MTG1: variants seen among roughly 807,000 people sequenced by gnomAD.
MTG1 encodes the protein mitochondrial ribosome-associated GTPase 1.
Under a neutral mutation model 39.5 loss-of-function variants are expected in MTG1, and 30 were observed. The observed-to-expected ratio is 0.76, with a 90% CI of 0.57 to 1.03. The LOEUF is 1.03. Among genes scored for constraint, MTG1 ranks in the 50% least tolerant of loss-of-function variants. The pLI, the probability that MTG1 is intolerant of heterozygous loss-of-function variation, is 0.00. For synonymous variants in MTG1, 217 were observed against 179.0 expected (o/e 1.21, Z -1.69); for missense variants, 513 against 447.4 (o/e 1.15, Z -1.32).
intron 9 of MTG1, among the ~76,000 whole-genome samples, chr10:133,410,909 A>T (rs1262122769): frequency 6.6e-6 from 1 of 151,594 alleles, no homozygotes; most frequent in Non-Finnish European, 1.5e-5. Context: ...ATTTCAATTT[A>T]TTTTTTTTTA....
Position 133,399,169 on chromosome 10 carries a change from G to A in MTG1, c.364-1G>A, listed in dbSNP as rs1289944240. 6 of 1,614,072 alleles carry A rather than the reference G, an allele frequency of 3.7e-6. No homozygotes were observed. The highest frequency in any genetic ancestry group is 5.1e-6 in the Non-Finnish European group (6 of 1,180,038). Reference sequence around the variant, plus strand: ...GCTCCATGAGTGGGTGTTTGTTGCAGATCATCCCGATGGTCACTGAACTGA... The same window carrying A: ...GCTCCATGAGTGGGTGTTTGTTGCAAATCATCCCGATGGTCACTGAACTGA... On this transcript the variant is annotated splice_acceptor_variant, in intron 4 of 10. Coordinates refer to ENST00000317502, the MANE Select transcript of MTG1 (RefSeq NM_138384.4). LOFTEE classifies it high-confidence loss of function.
intron 1 of MTG1, among the ~76,000 whole-genome samples, chr10:133,395,445 C>G (rs1239173149): frequency 6.6e-6 from 1 of 152,168 alleles, no homozygotes; most frequent in Non-Finnish European, 1.5e-5. Context: ...CCAGAGTCAG[C>G]CATGAGTCAG....
intron 9 of MTG1, among the ~76,000 whole-genome samples, chr10:133,414,762 G>A (rs576011183): frequency 2.0e-5 from 3 of 152,354 alleles, no homozygotes; most frequent in African/African-American, 7.2e-5. Context: ...CCCAGATGGG[G>A]TGGCGGCCGG....
chr10:133,396,985 C>G (rs1457732357), intron 3 of MTG1, among the ~76,000 whole-genome samples: 1 of 152,106 alleles, frequency 6.6e-6, no homozygotes, highest in African/African-American at 2.4e-5. Context: ...CTCCCTTTCC[C>G]CAGGGGAGTT....
At chr10:133,416,186 G>A (rs1296697176) in intron 9 of MTG1, among the ~76,000 whole-genome samples, 1 of 151,990 alleles carries the variant, frequency 6.6e-6, no homozygotes, top group Non-Finnish European at 1.5e-5. Flanking sequence ...ATCCCACTCA[G>A]TAGTTTTCAT....
At chr10:133,407,609 C>T (rs1849986480) in intron 9 of MTG1, among the ~76,000 whole-genome samples, 3 of 149,000 alleles carry the variant, frequency 2.0e-5, no homozygotes, top group Admixed American at 1.3e-4. Flanking sequence ...GGTCTTGTTG[C>T]CCAGTCTGGA....
chr10:133,401,552 G>A lies in MTG1; in HGVS notation c.535G>A (p.Glu179Lys), dbSNP rs760677326. The change falls in exon 7 of 11, where the codon GAG becomes AAG. Residue 179 changes from glutamate (E) to lysine (K), a missense_variant. Glu to Lys is a moderately conservative substitution (Grantham distance 56). Transcript: ENST00000317502. Reference sequence around the variant, plus strand: ...AGGGAAAGCCACCAGGGTGGGTGGCGAGCCTGGGATCACCAGAGCTGTGAT... The same window carrying A: ...AGGGAAAGCCACCAGGGTGGGTGGCAAGCCTGGGATCACCAGAGCTGTGAT... ...RKGKATRVGG[E>K]PGITRAVMSK... The A allele has an allele frequency of 3.1e-6, 5 of 1,590,976 alleles. No individual in the cohort carries two copies. Among genetic ancestry groups the A allele is most frequent in the East Asian group, 2.2e-5 (1 of 44,454 alleles).
In MTG1 at chr10:133,420,102, G is replaced by T. The variant is rs766800246; in HGVS notation, c.942G>T (p.Leu314=). The T allele has an allele frequency of 1.2e-5, 20 of 1,613,432 alleles. No individual in the cohort carries two copies. Among genetic ancestry groups the T allele is most frequent in the Non-Finnish European group, 1.7e-5 (20 of 1,179,840 alleles). The stretch of plus-strand genomic sequence containing the variant: ...TGCAGACTTTCCGCCGTGGGCTGCT[G>T]GGTTCCGTGATGCTGGACCTCGACG... ...DFLQTFRRGL[L]GSVMLDLDVL... is the part of the protein sequence containing the mutation. The change falls in exon 11 of 11, where the codon CTG becomes CTT. Residue 314 remains leucine, a synonymous_variant. Coordinates refer to ENST00000317502, the MANE Select transcript of MTG1 (RefSeq NM_138384.4).
At position 133,394,859 on chromosome 10, in the gene MTG1, GTGT is replaced by G. The variant is rs1208711718; in HGVS notation, c.112+531_112+533del. ...TCTGGGGCCAGCCCAGCCCGTCTAG[GTGT>G]TGTGATGGCCACTCCTGCGTCGGCT... On this transcript the variant is annotated intron_variant, in intron 1 of 10. Coordinates refer to ENST00000317502, the MANE Select transcript of MTG1 (RefSeq NM_138384.4). The G allele has an allele frequency of 1.5e-5, 8 of 533,006 alleles. 1 individual carries two copies. Among genetic ancestry groups the G allele is most frequent in the Non-Finnish European group, 1.9e-5 (8 of 416,530 alleles). The allele number at this position is 533,006 out of a possible 1,614,324, so 33.0% of individuals were successfully genotyped here. A position where few individuals can be genotyped will look rare whatever the true frequency, so the allele number is the denominator to read the frequency against.
At chr10:133,403,457 G>C (rs917890154) in intron 9 of MTG1, among the ~76,000 whole-genome samples, 1 of 152,208 alleles carries the variant, frequency 6.6e-6, no homozygotes, top group African/African-American at 2.4e-5. Flanking sequence ...GCCCCTCCCT[G>C]AGCCCAGGCA....
chr10:133,410,043 C>T (rs1850022838), intron 9 of MTG1, among the ~76,000 whole-genome samples: 1 of 151,842 alleles, frequency 6.6e-6, no homozygotes, highest in South Asian at 2.1e-4. Context: ...TTTAGCCACT[C>T]TGTGTTTTTT....
At chr10:133,401,719 G>C (rs1448720401) in intron 7 of MTG1, 129 bp downstream of exon 7, 13 of 881,022 alleles carry the variant, frequency 1.5e-5, no homozygotes, top group African/African-American at 3.3e-5. Flanking sequence ...TCCCCGCTGA[G>C]CACCCCCGGG....
intron 9 of MTG1, 114 bp from the exon 10 acceptor site, chr10:133,419,366 C>A (rs2133519629): frequency 3.9e-6 from 3 of 777,676 alleles, no homozygotes; most frequent in Admixed American, 2.4e-5. Context: ...CACTGTCACC[C>A]ACAGGAGGTG....
At chr10:133,399,307 G>A in intron 5 of MTG1, 81 bp downstream of exon 5, 1 of 1,520,468 alleles carries the variant, frequency 6.6e-7, no homozygotes, top group Non-Finnish European at 9.1e-7. Context: ...TCTCCAAGGA[G>A]AAGGCGCAGC....
intron 9 of MTG1, among the ~76,000 whole-genome samples, chr10:133,410,036 A>G (rs1482432999): frequency 6.6e-6 from 1 of 151,270 alleles, no homozygotes; most frequent in East Asian, 2.0e-4. Flanking sequence ...TTATCCATTT[A>G]GCCACTCTGT....
At chr10:133,411,036 T>G (rs1850038754) in intron 9 of MTG1, among the ~76,000 whole-genome samples, 1 of 152,258 alleles carries the variant, frequency 6.6e-6, no homozygotes, top group African/African-American at 2.4e-5. Context: ...ATTCTGAGTC[T>G]GTGTGTTTAC....
rs1276873727 is a variant in MTG1 at position 133,394,727 on chromosome 10, T to A, written c.112+395T>A. On this transcript the variant is annotated intron_variant, in intron 1 of 10. Transcript: ENST00000317502. ...GTCTTTTGGGGACTAAATGAAACAG[T>A]GGGTATGAAGGCACCTGTTCAGTTT... is the stretch of plus-strand genomic sequence containing the variant. The A allele has an allele frequency of 3.9e-6, 4 of 1,028,390 alleles. No individual in the cohort carries two copies. In the East Asian group the frequency reaches 3.6e-4, roughly 92 times the overall value. The allele number at this position is 1,028,390 out of a possible 1,614,324, so 63.7% of individuals were successfully genotyped here. A position where few individuals can be genotyped will look rare whatever the true frequency, so the allele number is the denominator to read the frequency against.
chr10:133,396,113 G>A (rs371510600), intron 2 of MTG1, 50 bp from the exon 3 acceptor site: 81 of 1,556,124 alleles, frequency 5.2e-5, no homozygotes, highest in Non-Finnish European at 6.7e-5. Context: ...AAGAAAAAAA[G>A]TTGGTTGGCT....
chr10:133,396,301 G>A (rs1406400526), intron 3 of MTG1, 34 bp downstream of exon 3: 2 of 1,561,324 alleles, frequency 1.3e-6, no homozygotes, highest in African/African-American at 2.7e-5. Context: ...CTTCAGCAGT[G>A]TGGCTGTGTT....
Sources: allele counts gnomAD v4.1 joint callset (sites outside exome capture counted in the v4.1 genomes callset), GRCh38; gene constraint gnomAD v4.1.1; transcripts MANE v1.5; gene names NCBI Gene and HGNC (gene_info 2026-07-23, HGNC 2026-07-21).